The following NEK7 variants were observed in gnomAD, a reference collection of about 807,000 sequenced individuals.
The protein encoded by NEK7 is NIMA related kinase 7.
Under a neutral mutation model 44.6 loss-of-function variants are expected in NEK7, and 18 were observed. That is an observed-to-expected ratio of 0.40 (90% CI 0.28 to 0.60). The LOEUF is 0.60. Among genes scored for constraint, NEK7 ranks in the 20% least tolerant of loss-of-function variants. The pLI, the probability that NEK7 is intolerant of heterozygous loss-of-function variation, is 0.38. For missense variants in NEK7, 256 were observed against 366.5 expected (o/e 0.70, Z 2.46); for synonymous variants, 130 against 121.1 (o/e 1.07, Z -0.48).
intron 1 of NEK7, among the ~76,000 whole-genome samples, chr1:198,219,141 A>G (rs1241475676): frequency 6.6e-6 from 1 of 151,858 alleles, no homozygotes; most frequent in Non-Finnish European, 1.5e-5. Flanking sequence ...TATAATTGCA[A>G]AGAAATGGAA....
chr1:198,159,767 A>G (rs1432562120), intron 1 of NEK7, among the ~76,000 whole-genome samples: 2 of 152,158 alleles, frequency 1.3e-5, no homozygotes, highest in Non-Finnish European at 2.9e-5. Flanking sequence ...CCAAAGAATG[A>G]GGAAAGCACA....
In NEK7 at chr1:198,294,719, A is replaced by T. The variant is rs140721077; in HGVS notation, c.684+1680A>T. On this transcript the variant is annotated intron_variant, in intron 8 of 9. Transcript: ENST00000367385. ...TTAAAATGCCACAAAAATAAAAATA[A>T]CATCTTTGGACATTTCTACATCCAT... Among the ~76,000 whole-genome samples, 7 of 152,272 alleles carry T rather than the reference A, an allele frequency of 4.6e-5. No homozygotes were observed. In the East Asian group the frequency reaches 1.4e-3, roughly 29 times the overall value.
At chr1:198,245,205 AAG>A (rs1666802771) in intron 2 of NEK7, 1 of 169,206 alleles carries the variant, frequency 5.9e-6, no homozygotes, top group Non-Finnish European at 1.5e-5. Context: ...GAGAAGGAGA[AAG>A]AGAAGGAGTT....
intron 1 of NEK7, among the ~76,000 whole-genome samples, chr1:198,160,481 T>C (rs1053855819): frequency 6.6e-6 from 1 of 152,196 alleles, no homozygotes; most frequent in Non-Finnish European, 1.5e-5. Flanking sequence ...GTTGGAAAAC[T>C]ACGAGGGTAG....
intron 2 of NEK7, among the ~76,000 whole-genome samples, chr1:198,237,979 A>G (rs1050233500): frequency 5.3e-5 from 8 of 152,182 alleles, no homozygotes; most frequent in Non-Finnish European, 1.2e-4. Context: ...TGGTACACAT[A>G]GTAGGCATTC....
intron 2 of NEK7, among the ~76,000 whole-genome samples, chr1:198,233,500 T>C (rs763910827): frequency 6.6e-6 from 1 of 152,176 alleles, no homozygotes; most frequent in Admixed American, 6.6e-5. Flanking sequence ...ATATGTCTCA[T>C]GTATACTCTG....
intron 9 of NEK7, among the ~76,000 whole-genome samples, chr1:198,307,770 G>A (rs1369616079): frequency 2.0e-5 from 3 of 152,128 alleles, no homozygotes; most frequent in South Asian, 2.1e-4. Context: ...CATGTCTCCT[G>A]ACTGGAACTC....
chr1:198,235,124 GA>G (rs1666511449), intron 2 of NEK7, among the ~76,000 whole-genome samples: 1 of 152,116 alleles, frequency 6.6e-6, no homozygotes, highest in East Asian at 1.9e-4. Context: ...GGCATAAACA[GA>G]AAACTAAGGA....
At chr1:198,253,509 C>T (rs1436062444) in intron 3 of NEK7, among the ~76,000 whole-genome samples, 1 of 152,050 alleles carries the variant, frequency 6.6e-6, no homozygotes, top group Admixed American at 6.6e-5. Flanking sequence ...AGTTCTACAG[C>T]TATAGGCACT....
intron 2 of NEK7, among the ~76,000 whole-genome samples, chr1:198,252,560 AT>A (rs1558079260): frequency 3.3e-5 from 2 of 60,862 alleles, no homozygotes; most frequent in Non-Finnish European, 2.6e-5. Flanking sequence ...ATATATATAT[AT>A]ATATATAAAA....
At chr1:198,194,987 G>T (rs1665190482) in intron 1 of NEK7, among the ~76,000 whole-genome samples, 1 of 151,600 alleles carries the variant, frequency 6.6e-6, no homozygotes, top group African/African-American at 2.4e-5. Context: ...GTTATTTTTT[G>T]ACTTTTTAAT....
intron 1 of NEK7, among the ~76,000 whole-genome samples, chr1:198,228,201 G>A (rs1666284361): frequency 6.6e-6 from 1 of 152,016 alleles, no homozygotes; most frequent in South Asian, 2.1e-4. Context: ...TATTTCTGAG[G>A]GCTCTGTTCT....
intron 1 of NEK7, among the ~76,000 whole-genome samples, chr1:198,159,306 G>A (rs1664027260): frequency 6.6e-6 from 1 of 151,804 alleles, no homozygotes; most frequent in African/African-American, 2.4e-5. Flanking sequence ...AGAAAGAAAG[G>A]AAGGAAGGAA....
rs114884409 is a variant in NEK7, at chr1:198,319,466, G to A, written c.853G>A (p.Val285Ile). ...INPDPEKRPDVTYVYDVAKRM... is the reference protein window; with the variant it reads ...INPDPEKRPDITYVYDVAKRM... Reference sequence around the variant, plus strand: ...CCCAGATCCAGAGAAGCGACCAGACGTCACCTATGTTTATGACGTAGCAAA... The same window carrying A: ...CCCAGATCCAGAGAAGCGACCAGACATCACCTATGTTTATGACGTAGCAAA... Residue 285 changes from valine (V) to isoleucine (I), a missense_variant, in exon 10 of 10, where the codon GTC becomes ATC. Coordinates refer to ENST00000367385, the MANE Select transcript of NEK7 (RefSeq NM_133494.3). 464 of 1,613,174 alleles carry A rather than the reference G, an allele frequency of 2.9e-4. 4 individuals are homozygous for A. In the East Asian group the frequency reaches 0.01, roughly 35 times the overall value.
intron 5 of NEK7, among the ~76,000 whole-genome samples, chr1:198,276,559 G>A (rs1654024403): frequency 6.6e-6 from 1 of 151,652 alleles, no homozygotes; most frequent in Admixed American, 6.6e-5. Context: ...ACTTAGTATT[G>A]AAACATGATA....
chr1:198,275,483 A>G (rs1653987813), intron 5 of NEK7, among the ~76,000 whole-genome samples: 1 of 150,638 alleles, frequency 6.6e-6, no homozygotes, highest in African/African-American at 2.4e-5. Flanking sequence ...TTTACTTTTT[A>G]CACGTTGGCA....
chr1:198,286,422 CTTT>C (rs34104462), intron 7 of NEK7, among the ~76,000 whole-genome samples: 2 of 142,926 alleles, frequency 1.4e-5, no homozygotes, highest in Non-Finnish European at 3.1e-5. Context: ...AGAGGTCACA[CTTT>C]TTTTTTTTTT....
At chr1:198,226,163 G>A (rs1467660388) in intron 1 of NEK7, among the ~76,000 whole-genome samples, 2 of 151,890 alleles carry the variant, frequency 1.3e-5, no homozygotes, top group Admixed American at 6.6e-5. Context: ...TTAGTGGTAC[G>A]AGATACACTA....
At chr1:198,200,821 G>T (rs1665410596) in intron 1 of NEK7, among the ~76,000 whole-genome samples, 1 of 152,146 alleles carries the variant, frequency 6.6e-6, no homozygotes, top group Admixed American at 6.5e-5. Context: ...AAAGTGTTGG[G>T]ATTACAGGCA....
Sources: allele counts gnomAD v4.1 joint callset (sites outside exome capture counted in the v4.1 genomes callset), GRCh38; gene constraint gnomAD v4.1.1; transcripts MANE v1.5; gene names NCBI Gene and HGNC (gene_info 2026-07-23, HGNC 2026-07-21).